KCNMA1: variants seen among roughly 807,000 people sequenced by gnomAD.
KCNMA1 encodes the protein potassium calcium-activated channel subfamily M alpha 1, also known as Calcium-activated potassium channel subunit alpha-1.
Under a neutral mutation model 140.0 loss-of-function variants are expected in KCNMA1, and 29 were observed. The observed-to-expected ratio is 0.21, with a 90% confidence interval of 0.15 to 0.28. The LOEUF (loss-of-function observed/expected upper bound fraction) is 0.28. Ranked by LOEUF, KCNMA1 falls within the 10% of genes least tolerant of loss-of-function variation. The pLI is 1.00. For synonymous variants in KCNMA1, 612 were observed against 611.9 expected (o/e 1.00, Z 0.00); for missense variants, 880 against 1,602.2 (o/e 0.55, Z 7.70).
At chr10:77,125,442 C>A (rs761721272) in intron 5 of KCNMA1, among the ~76,000 whole-genome samples, 15 of 152,208 alleles carry the variant, frequency 9.9e-5, no homozygotes, top group Non-Finnish European at 1.9e-4. Context: ...GCACATGCAG[C>A]CTCTCTGCCT....
chr10:77,082,091 C>T (rs1411015850), intron 12 of KCNMA1, among the ~76,000 whole-genome samples: 5 of 134,644 alleles, frequency 3.7e-5, no homozygotes, highest in South Asian at 2.5e-4. Flanking sequence ...TGCAGTGGCG[C>T]GATCTTGGCT....
chr10:76,898,005 A>G (rs1285474051), intron 25 of KCNMA1, among the ~76,000 whole-genome samples: 1 of 151,898 alleles, frequency 6.6e-6, no homozygotes, highest in African/African-American at 2.4e-5. Flanking sequence ...GAAAATAAGC[A>G]TACAAAATAT....
intron 1 of KCNMA1, among the ~76,000 whole-genome samples, chr10:77,606,807 C>T (rs796940790): frequency 2.0e-5 from 3 of 152,226 alleles, no homozygotes; most frequent in African/African-American, 7.2e-5. Flanking sequence ...AAGAGTTTAT[C>T]GTGTTCAGTC....
At chr10:77,309,987 G>A (rs1167105920) in intron 2 of KCNMA1, among the ~76,000 whole-genome samples, 2 of 152,164 alleles carry the variant, frequency 1.3e-5, no homozygotes, top group East Asian at 3.8e-4. Flanking sequence ...AGCTTGTGGG[G>A]CATGAGATTT....
At chr10:77,526,821 C>CCT (rs148574395) in intron 1 of KCNMA1, among the ~76,000 whole-genome samples, 2,732 of 149,944 alleles carry the variant, frequency 0.018, 45 homozygotes, top group Non-Finnish European at 0.028. Context: ...GTTTCCTTCT[C>CCT]CTCTCTCTCT....
intron 5 of KCNMA1, among the ~76,000 whole-genome samples, chr10:77,158,120 G>T (rs2098509217): frequency 6.6e-6 from 1 of 152,182 alleles, no homozygotes; most frequent in African/African-American, 2.4e-5. Context: ...AGACAGAAAT[G>T]AAACTGAACA....
At chr10:77,300,372 C>T (rs564417397) in intron 2 of KCNMA1, among the ~76,000 whole-genome samples, 3 of 152,326 alleles carry the variant, frequency 2.0e-5, no homozygotes, top group South Asian at 4.1e-4. Flanking sequence ...TGTGCCTCAA[C>T]TCCCTCCCCC....
At chr10:77,529,780 G>GC (rs532673271) in intron 1 of KCNMA1, among the ~76,000 whole-genome samples, 458 of 152,092 alleles carry the variant, frequency 3.0e-3, no homozygotes, top group Non-Finnish European at 5.5e-3. Flanking sequence ...CCAACCAAGA[G>GC]CCCCCACGTG....
At chr10:76,949,944 C>A (rs2065633542) in intron 21 of KCNMA1, among the ~76,000 whole-genome samples, 1 of 152,064 alleles carries the variant, frequency 6.6e-6, no homozygotes, top group African/African-American at 2.4e-5. Context: ...AAATCTGGCC[C>A]ACTACATTCT....
At chr10:77,465,085 C>G (rs1301151686) in intron 1 of KCNMA1, among the ~76,000 whole-genome samples, 9 of 152,210 alleles carry the variant, frequency 5.9e-5, no homozygotes, top group Non-Finnish European at 1.3e-4. Flanking sequence ...CACTCGGTAA[C>G]TCAAGTATTA....
At chr10:77,585,120 G>A (rs1284606324) in intron 1 of KCNMA1, among the ~76,000 whole-genome samples, 1 of 152,158 alleles carries the variant, frequency 6.6e-6, no homozygotes, top group African/African-American at 2.4e-5. Flanking sequence ...CCACATGCTG[G>A]GCAGTTTGCT....
At chr10:77,309,980 T>C (rs1422955613) in intron 2 of KCNMA1, among the ~76,000 whole-genome samples, 1 of 152,150 alleles carries the variant, frequency 6.6e-6, no homozygotes, top group Non-Finnish European at 1.5e-5. Flanking sequence ...TGGATAAAGC[T>C]TGTGGGGCAT....
At chr10:77,616,450 A>T (rs1389287931) in intron 1 of KCNMA1, among the ~76,000 whole-genome samples, 2 of 152,202 alleles carry the variant, frequency 1.3e-5, no homozygotes, top group African/African-American at 4.8e-5. Context: ...TTAACACATG[A>T]TCCTCCCAAC....
chr10:77,160,236 T>C (rs769605512), intron 5 of KCNMA1, among the ~76,000 whole-genome samples: 5 of 152,150 alleles, frequency 3.3e-5, no homozygotes, highest in East Asian at 1.9e-4. Flanking sequence ...ATGATCACTC[T>C]GAAATATTCA....
At chr10:77,568,776 A>G (rs1243598835) in intron 1 of KCNMA1, among the ~76,000 whole-genome samples, 73 of 150,344 alleles carry the variant, frequency 4.9e-4, no homozygotes, top group Admixed American at 4.4e-3. Flanking sequence ...ATTCAATTAG[A>G]AAAAGAGGAA....
chr10:77,382,994 G>GTATATATATATATATATATATA (rs544257955), intron 2 of KCNMA1, among the ~76,000 whole-genome samples: 1 of 46,426 alleles, frequency 2.2e-5, no homozygotes, highest in African/African-American at 9.5e-5. Context: ...GTGTGTGTGT[G>GTATATATATATATATATATATA]TATATATATA....
At chr10:77,442,857 C>T (rs1383580215) in intron 1 of KCNMA1, among the ~76,000 whole-genome samples, 2 of 152,212 alleles carry the variant, frequency 1.3e-5, no homozygotes, top group Non-Finnish European at 2.9e-5. Flanking sequence ...CCTGGGGCTC[C>T]TGACCATCCA....
intron 9 of KCNMA1, among the ~76,000 whole-genome samples, chr10:77,100,789 C>T (rs1196863041): frequency 6.6e-6 from 1 of 152,166 alleles, no homozygotes; most frequent in African/African-American, 2.4e-5. Flanking sequence ...CAAGGATTCA[C>T]CCAATCAAAG....
intron 15 of KCNMA1, among the ~76,000 whole-genome samples, chr10:77,036,406 C>T (rs1188227432): frequency 1.3e-5 from 2 of 152,188 alleles, no homozygotes; most frequent in Non-Finnish European, 2.9e-5. Context: ...AATGACTCCC[C>T]TAGCTTCTGA....
Sources: gnomAD v4.1 joint callset for allele counts (sites outside exome capture counted in the v4.1 genomes callset) on GRCh38, gnomAD v4.1.1 for gene constraint, MANE v1.5 for transcripts, NCBI Gene and HGNC (gene_info 2026-07-23, HGNC 2026-07-21) for gene names.